Variants in TLL1 observed in about 807,000 individuals in gnomAD.
The protein encoded by TLL1 is tolloid-like protein 1.
In TLL1, 49 loss-of-function variants were observed where a neutral mutation model predicts 128.2. That is an observed-to-expected ratio of 0.38 (90% confidence interval 0.30 to 0.48). The LOEUF is 0.48. Among genes scored for constraint, TLL1 ranks in the 20% least tolerant of loss-of-function variants. TLL1 has a pLI of 0.96. For synonymous variants in TLL1, 454 were observed against 418.8 expected (o/e 1.08, Z -1.03); for missense variants, 1,123 against 1,242.0 (o/e 0.90, Z 1.44).
intron 1 of TLL1, among the ~76,000 whole-genome samples, chr4:165,918,157 G>A (rs1732871185): frequency 6.6e-6 from 1 of 152,122 alleles, no homozygotes; most frequent in South Asian, 2.1e-4. Context: ...AGGAAAAATT[G>A]TCAAGGTTAT....
At chr4:166,055,000 T>A in intron 12 of TLL1, 76 bp from the exon 13 acceptor site, 1 of 1,229,742 alleles carries the variant, frequency 8.1e-7, no homozygotes, top group South Asian at 1.4e-5. Flanking sequence ...AGTATGGCAC[T>A]GAGAAGACAT....
intron 3 of TLL1, among the ~76,000 whole-genome samples, 196 bp downstream of exon 3, chr4:165,993,080 C>A (rs549231272): frequency 6.6e-6 from 1 of 151,978 alleles, no homozygotes; most frequent in Admixed American, 6.6e-5. Flanking sequence ...TTGAAATGTT[C>A]CTTTAATTTA....
chr4:166,050,019 G>T (rs1739636835), intron 12 of TLL1, among the ~76,000 whole-genome samples: 1 of 152,026 alleles, frequency 6.6e-6, no homozygotes, highest in Admixed American at 6.6e-5. Flanking sequence ...AAGCTACATT[G>T]TAACAGTCAT....
intron 1 of TLL1, among the ~76,000 whole-genome samples, chr4:165,984,530 GTCAGAGCAGCCTTT>G (rs1736310877): frequency 6.6e-6 from 1 of 151,878 alleles, no homozygotes; most frequent in Admixed American, 6.6e-5. Flanking sequence ...AGCAAGACCG[GTCAGAGCAGCCTTT>G]TCAGACCTTC....
chr4:166,023,880 G>C (rs981342061), intron 8 of TLL1, among the ~76,000 whole-genome samples: 1 of 151,338 alleles, frequency 6.6e-6, no homozygotes, highest in East Asian at 1.9e-4. Context: ...AATTATTACA[G>C]AATTTATTTT....
intron 6 of TLL1, 114 bp from the exon 7 acceptor site, chr4:166,007,829 G>T: frequency 1.4e-6 from 1 of 734,926 alleles, no homozygotes; most frequent in Non-Finnish European, 2.5e-6. Flanking sequence ...ATGTAAATTC[G>T]ATCAGCAAGA....
chr4:166,005,556 CA>C (rs1253652598), intron 6 of TLL1, among the ~76,000 whole-genome samples: 1 of 151,258 alleles, frequency 6.6e-6, no homozygotes, highest in Non-Finnish European at 1.5e-5. Context: ...GGTTAGATAT[CA>C]AAATAAGTTA....
rs1730593163 is a variant in TLL1, at chr4:165,873,724, C to T, written c.-181C>T. ...CTGCGACTGGGGGTAACAGGCAGTG[C>T]TTGCCCTCTCTACTGTCCCGGCGGC... On this transcript the variant is annotated 5_prime_UTR_variant, in exon 1 of 21. Transcript: ENST00000061240. 1.6e-6 allele frequency: 1 copy of T among 628,604 alleles called. No homozygotes were observed. Among genetic ancestry groups the T allele is most frequent in the African/African-American group, 1.8e-5 (1 of 54,542 alleles). 38.9% of individuals were successfully genotyped at this position (628,604 alleles called of 1,614,324 possible). A position where few individuals can be genotyped will look rare whatever the true frequency, so the allele number is the denominator to read the frequency against.
chr4:166,086,927 A>C (rs1205406958), intron 18 of TLL1, among the ~76,000 whole-genome samples: 2 of 152,158 alleles, frequency 1.3e-5, no homozygotes, highest in Non-Finnish European at 2.9e-5. Flanking sequence ...TGAGGTACTG[A>C]CTGCATGATT....
At chr4:165,886,965 A>G (rs573311874) in intron 1 of TLL1, among the ~76,000 whole-genome samples, 5 of 152,332 alleles carry the variant, frequency 3.3e-5, no homozygotes, top group South Asian at 2.1e-4. Context: ...TCAAATAACT[A>G]AGATAAAAGT....
At chr4:165,921,179 A>C (rs1579489038) in intron 1 of TLL1, among the ~76,000 whole-genome samples, 1 of 152,322 alleles carries the variant, frequency 6.6e-6, no homozygotes, top group African/African-American at 2.4e-5. Context: ...GACATATGGC[A>C]TATGCGAAAG....
chr4:166,099,182 A>T (rs552015746), intron 19 of TLL1, 95 bp from the exon 20 acceptor site: 84 of 1,567,366 alleles, frequency 5.4e-5, no homozygotes, highest in Non-Finnish European at 6.9e-5. Flanking sequence ...CAGAAGTTAG[A>T]CAATGGCTAG....
chr4:165,907,887 TA>T lies in TLL1; in HGVS notation c.169+33816del, dbSNP rs1258748457. Among the ~76,000 whole-genome samples, 4 of 152,182 alleles carry T rather than the reference TA, an allele frequency of 2.6e-5. No individual in the cohort carries two copies. In the East Asian group the frequency reaches 7.7e-4, roughly 29 times the overall value. On this transcript the variant is annotated intron_variant, in intron 1 of 20. Transcript: ENST00000061240. ...TATAAACTTCTGATAAGCAGCATTC[TA>T]ATATTGAAATACCTGTTCATTATAT...
At chr4:165,884,979 C>CT (rs1731107689) in intron 1 of TLL1, among the ~76,000 whole-genome samples, 1 of 152,176 alleles carries the variant, frequency 6.6e-6, no homozygotes, top group South Asian at 2.1e-4. Flanking sequence ...ACCGGGTTCA[C>CT]TTTTTCTACA....
At chr4:166,075,093 A>G in intron 17 of TLL1, 90 bp downstream of exon 17, 1 of 1,554,984 alleles carries the variant, frequency 6.4e-7, no homozygotes, top group Non-Finnish European at 8.8e-7. Context: ...TAATCATTTC[A>G]ATGAGTGATA....
intron 1 of TLL1, among the ~76,000 whole-genome samples, chr4:165,931,277 T>G (rs1733502369): frequency 6.6e-6 from 1 of 152,212 alleles, no homozygotes; most frequent in African/African-American, 2.4e-5. Context: ...AGAGTTATCT[T>G]GAATAGGAAT....
At chr4:165,921,550 A>G (rs1733042161) in intron 1 of TLL1, among the ~76,000 whole-genome samples, 1 of 152,128 alleles carries the variant, frequency 6.6e-6, no homozygotes, top group Admixed American at 6.6e-5. Context: ...TCCTGACCAT[A>G]AGCTTTATAC....
At chr4:166,081,789 G>A (rs539729283) in intron 18 of TLL1, among the ~76,000 whole-genome samples, 1 of 151,638 alleles carries the variant, frequency 6.6e-6, no homozygotes, top group Non-Finnish European at 1.5e-5. Flanking sequence ...TGTTGTCAGG[G>A]TAGAAGCAAA....
At chr4:166,081,583 C>T (rs1579719528) in intron 18 of TLL1, among the ~76,000 whole-genome samples, 2 of 152,250 alleles carry the variant, frequency 1.3e-5, no homozygotes, top group Middle Eastern at 3.4e-3. Flanking sequence ...CAACCCATCA[C>T]CAATTTTATC....
Sources: gnomAD v4.1 joint callset for allele counts (sites outside exome capture counted in the v4.1 genomes callset) on GRCh38, gnomAD v4.1.1 for gene constraint, MANE v1.5 for transcripts, NCBI Gene and HGNC (gene_info 2026-07-23, HGNC 2026-07-21) for gene names.